WDFY1: variants seen among roughly 807,000 people sequenced by gnomAD.
The protein encoded by WDFY1 is WD repeat and FYVE domain-containing protein 1.
In WDFY1, 32 loss-of-function variants were observed where a neutral mutation model predicts 56.4. The observed-to-expected ratio is 0.57, with a 90% CI of 0.43 to 0.76. WDFY1 has a LOEUF of 0.76. WDFY1 is among the 30% of genes least tolerant of loss of function. The probability of loss-of-function intolerance (pLI) is 0.00; values close to 1 mark genes in which losing one functional copy is unlikely to be tolerated. For synonymous variants in WDFY1, 192 were observed against 197.3 expected (o/e 0.97, Z 0.23); for missense variants, 480 against 545.7 (o/e 0.88, Z 1.20).
At chr2:223,894,207 C>A in intron 8 of WDFY1, 27 bp downstream of exon 8, 3 of 1,612,280 alleles carry the variant, frequency 1.9e-6, no homozygotes, top group South Asian at 1.1e-5. Context: ...CTCCCCCGAT[C>A]AGCCTGGACT....
At chr2:223,917,868 A>G in intron 2 of WDFY1, 75 bp downstream of exon 2, 1 of 1,570,374 alleles carries the variant, frequency 6.4e-7, no homozygotes, top group Non-Finnish European at 8.7e-7. Flanking sequence ...CACCATGCTC[A>G]GCCGACATTT....
chr2:223,896,545 G>A (rs532395285), intron 6 of WDFY1, among the ~76,000 whole-genome samples: 2 of 152,058 alleles, frequency 1.3e-5, no homozygotes, highest in Non-Finnish European at 2.9e-5. Flanking sequence ...AAACCCTTGG[G>A]GAAATCTTTC....
intron 1 of WDFY1, among the ~76,000 whole-genome samples, chr2:223,944,914 G>A (rs1031042412): frequency 1.3e-5 from 2 of 152,088 alleles, no homozygotes; most frequent in African/African-American, 4.8e-5. Context: ...CAGGGGATCC[G>A]GGCTGGAGGG....
At chr2:223,912,517 G>T (rs1693722054) in intron 2 of WDFY1, among the ~76,000 whole-genome samples, 191 bp from the exon 3 acceptor site, 1 of 152,176 alleles carries the variant, frequency 6.6e-6, no homozygotes, top group East Asian at 1.9e-4. Context: ...TTAAAACCTT[G>T]ATTTCACAAA....
At chr2:223,913,803 T>C (rs1260868665) in intron 2 of WDFY1, among the ~76,000 whole-genome samples, 1 of 152,094 alleles carries the variant, frequency 6.6e-6, no homozygotes, top group African/African-American at 2.4e-5. Flanking sequence ...GGTAATTTTA[T>C]GAAGCTAGAC....
chr2:223,900,213 C>A (rs1270335239), intron 5 of WDFY1, among the ~76,000 whole-genome samples: 1 of 152,164 alleles, frequency 6.6e-6, no homozygotes, highest in African/African-American at 2.4e-5. Context: ...GATTCTGTGT[C>A]ATTTTCTACA....
At chr2:223,884,560 A>G (rs548573094) in intron 9 of WDFY1, 88 bp downstream of exon 9, 9 of 1,277,622 alleles carry the variant, frequency 7.0e-6, no homozygotes, top group Non-Finnish European at 1.0e-5. Flanking sequence ...TTGCAAAAAC[A>G]AAGTGTGTTT....
At chr2:223,923,947 T>C (rs1693934319) in intron 1 of WDFY1, among the ~76,000 whole-genome samples, 1 of 152,228 alleles carries the variant, frequency 6.6e-6, no homozygotes. Context: ...TAAACTCATC[T>C]TATGTTTTTC....
At position 223,878,531 on chromosome 2, in the gene WDFY1, T is replaced by G; in HGVS notation, c.*140A>C. The G allele has an allele frequency of 1.5e-6, 1 of 672,216 alleles. No homozygotes were observed. Among genetic ancestry groups the G allele is most frequent in the Non-Finnish European group, 2.6e-6 (1 of 388,712 alleles). 41.6% of individuals were successfully genotyped at this position (672,216 alleles called of 1,614,324 possible). On this transcript the variant is annotated 3_prime_UTR_variant, in exon 12 of 12. Transcript: ENST00000233055. ...TCCACAAATGCCCCAAAACACACCT[T>G]TACATTTTCTTTTTAAAAATGTTGA...
intron 1 of WDFY1, among the ~76,000 whole-genome samples, chr2:223,939,936 A>G (rs1689270671): frequency 6.6e-6 from 1 of 152,162 alleles, no homozygotes. Context: ...CTTCAGGAAA[A>G]CCTTCATACC....
At chr2:223,882,691 A>G (rs1693093791) in intron 9 of WDFY1, among the ~76,000 whole-genome samples, 1 of 150,920 alleles carries the variant, frequency 6.6e-6, no homozygotes, top group Non-Finnish European at 1.5e-5. Context: ...TAGGGAAAGA[A>G]AAATTTATTC....
At chr2:223,895,099 A>G (rs993665229) in intron 7 of WDFY1, among the ~76,000 whole-genome samples, 3 of 152,240 alleles carry the variant, frequency 2.0e-5, no homozygotes, top group African/African-American at 7.2e-5. Context: ...ACAAAGAACA[A>G]AAAACAAGTT....
chr2:223,903,834 G>GTC (rs893298251), intron 4 of WDFY1, among the ~76,000 whole-genome samples: 3 of 151,770 alleles, frequency 2.0e-5, no homozygotes, highest in African/African-American at 7.3e-5. Context: ...TAGCAGTATG[G>GTC]TCTCTCTATG....
chr2:223,912,406 A>AT, intron 2 of WDFY1, 80 bp from the exon 3 acceptor site: 3 of 1,101,048 alleles, frequency 2.7e-6, no homozygotes, highest in East Asian at 2.6e-5. Flanking sequence ...GAACTATATG[A>AT]TAAGAACTAT....
intron 1 of WDFY1, among the ~76,000 whole-genome samples, chr2:223,941,265 CTTTTT>C (rs35595162): frequency 1.3e-5 from 2 of 149,072 alleles, no homozygotes; most frequent in African/African-American, 4.9e-5. Flanking sequence ...CCCCCAAAAA[CTTTTT>C]TTTTTTAATT....
At chr2:223,932,117 C>CTTTTTTTTTTTTTTTTT in intron 1 of WDFY1, among the ~76,000 whole-genome samples, 1 of 93,984 alleles carries the variant, frequency 1.1e-5, no homozygotes, top group Non-Finnish European at 2.0e-5. Context: ...GTATGAGTAC[C>CTTTTTTTTTTTTTTTTT]TTTTTTTTTT....
At chr2:223,934,499 T>C (rs998224754) in intron 1 of WDFY1, among the ~76,000 whole-genome samples, 11 of 152,314 alleles carry the variant, frequency 7.2e-5, no homozygotes, top group African/African-American at 2.2e-4. Flanking sequence ...TACACTGTTT[T>C]TCATGTTAGA....
At chr2:223,936,677 G>A (rs1694173435) in intron 1 of WDFY1, among the ~76,000 whole-genome samples, 1 of 152,146 alleles carries the variant, frequency 6.6e-6, no homozygotes, top group Admixed American at 6.5e-5. Flanking sequence ...TTATCCAGAG[G>A]GGACCTCACC....
intron 1 of WDFY1, among the ~76,000 whole-genome samples, chr2:223,929,616 C>A (rs186444114): frequency 6.6e-6 from 1 of 152,116 alleles, no homozygotes; most frequent in African/African-American, 2.4e-5. Flanking sequence ...CCTGCACCTC[C>A]CTGAACTTCC....
Sources: allele counts gnomAD v4.1 joint callset (sites outside exome capture counted in the v4.1 genomes callset), GRCh38; gene constraint gnomAD v4.1.1; transcripts MANE v1.5; gene names NCBI Gene and HGNC (gene_info 2026-07-23, HGNC 2026-07-21).